The following FRMD4A variants were observed in gnomAD, a reference collection of about 807,000 sequenced individuals.
FRMD4A encodes the protein FERM domain-containing protein 4A.
Under a neutral mutation model 129.1 loss-of-function variants are expected in FRMD4A, and 29 were observed. The ratio of observed to expected loss-of-function variants is 0.22; its 90% CI spans 0.17 to 0.31. The LOEUF (loss-of-function observed/expected upper bound fraction) is 0.31, where lower values mean the gene tolerates loss of function less well. Among genes scored for constraint, FRMD4A ranks in the 10% least tolerant of loss-of-function variants. FRMD4A has a pLI of 1.00. For synonymous variants in FRMD4A, 634 were observed against 571.6 expected, an observed-to-expected ratio of 1.11 and a Z score of -1.56; for missense variants, 1,272 against 1,375.8, an observed-to-expected ratio of 0.92 and a Z score of 1.19.
rs1194691766 is a variant in FRMD4A at position 14,119,341 on chromosome 10, G to A, written c.45+210717C>T. Among the ~76,000 whole-genome samples, 4 of 152,170 alleles carry A rather than the reference G, an allele frequency of 2.6e-5. No individual in the cohort carries two copies. In the East Asian group the frequency reaches 5.8e-4, roughly 22 times the overall value. ...CCTTAAAACTACACCTGCAGTAACA[G>A]AACCTGTTACCAGCAGGAGACGGAA... On this transcript the variant is annotated intron_variant, in intron 2 of 24. Transcript: ENST00000357447.
At chr10:14,325,881 C>A (rs1289053120) in intron 2 of FRMD4A, among the ~76,000 whole-genome samples, 1 of 152,166 alleles carries the variant, frequency 6.6e-6, no homozygotes. Flanking sequence ...GACAAGGGAG[C>A]TGGTCTATTC....
intron 15 of FRMD4A, among the ~76,000 whole-genome samples, chr10:13,690,468 A>G (rs1347038463): frequency 6.6e-6 from 1 of 152,206 alleles, no homozygotes; most frequent in Non-Finnish European, 1.5e-5. Flanking sequence ...TTGTTCCCTG[A>G]TGGAATGTTT....
At chr10:14,218,630 G>A (rs554172311) in intron 2 of FRMD4A, among the ~76,000 whole-genome samples, 3 of 152,234 alleles carry the variant, frequency 2.0e-5, no homozygotes, top group Admixed American at 1.3e-4. Flanking sequence ...CAGGTGCGGG[G>A]ATTGCCTGAG....
chr10:13,921,559 G>C (rs2488564), intron 2 of FRMD4A, among the ~76,000 whole-genome samples: 139,321 of 152,252 alleles, frequency 0.92, 63,836 homozygotes, highest in South Asian at 0.94. Flanking sequence ...CCATGTCTGG[G>C]CTGGTGCCTC....
intron 2 of FRMD4A, among the ~76,000 whole-genome samples, chr10:14,316,179 A>T (rs999557065): frequency 6.6e-6 from 1 of 152,330 alleles, no homozygotes; most frequent in Middle Eastern, 3.4e-3. Flanking sequence ...TGAGGATCCC[A>T]GGTGTTGTGG....
rs2093636151 is a variant in FRMD4A at position 13,821,991 on chromosome 10, A to G, written c.112-11083T>C. Among the ~76,000 whole-genome samples, 1 of 152,190 alleles carries G rather than the reference A, an allele frequency of 6.6e-6. No homozygotes were observed. The highest frequency in any genetic ancestry group is 2.4e-5 in the African/African-American group (1 of 41,446). On this transcript the variant is annotated intron_variant, in intron 3 of 24. Transcript: ENST00000357447. This position sits in a 1 kb window ranked among gnomAD's most constrained non-coding sequence, Gnocchi z 4.3. ...TCTCGAAGATCCGAAGCAGGAAGGAAAGAAACAAAGTACATCAAGGAAAGG... is the reference window on the plus strand; with the variant it reads ...TCTCGAAGATCCGAAGCAGGAAGGAGAGAAACAAAGTACATCAAGGAAAGG...
rs551809135 is a variant in FRMD4A at position 13,832,211 on chromosome 10, C to T, written c.112-21303G>A. On this transcript the variant is annotated intron_variant, in intron 3 of 24. Transcript: ENST00000357447. ...CTGCCTGCTTTCGGCTGCTCCCTCTCGGCCACTCTTCCAAGCTGCATCCCA... is the reference window on the plus strand; with the variant it reads ...CTGCCTGCTTTCGGCTGCTCCCTCTTGGCCACTCTTCCAAGCTGCATCCCA... Among the ~76,000 whole-genome samples, 55 of 152,158 alleles carry T rather than the reference C, an allele frequency of 3.6e-4. 3 individuals carry two copies. The highest frequency in any genetic ancestry group is 2.1e-3 in the Admixed American group (32 of 15,284).
rs181955831 is a variant in FRMD4A at position 14,237,425 on chromosome 10, G to A, written c.45+92633C>T. On this transcript the variant is annotated intron_variant, in intron 2 of 24. Transcript: ENST00000357447. ...AGCTCACTGTAACCTCTGCCTCCCA[G>A]GTTCAAGTGATTCTCCTGCCTCAGT... Among the ~76,000 whole-genome samples, 9 of 152,202 alleles carry A rather than the reference G, an allele frequency of 5.9e-5. No homozygotes were observed. The East Asian group carries it at 1.7e-3, about 29-fold the overall frequency.
intron 2 of FRMD4A, among the ~76,000 whole-genome samples, chr10:14,290,177 G>T (rs1329834707): frequency 6.6e-6 from 1 of 152,030 alleles, no homozygotes; most frequent in Non-Finnish European, 1.5e-5. Flanking sequence ...TAAATTTATT[G>T]CAATCCCTAT....
chr10:14,247,913 G>A (rs531053026), intron 2 of FRMD4A, among the ~76,000 whole-genome samples: 10 of 144,214 alleles, frequency 6.9e-5, no homozygotes, highest in Admixed American at 2.7e-4. Context: ...CAGCATTTTC[G>A]TAAGTTAAAA....
chr10:13,882,511 T>G (rs2131128345), intron 2 of FRMD4A, among the ~76,000 whole-genome samples: 1 of 152,320 alleles, frequency 6.6e-6, no homozygotes, highest in South Asian at 2.1e-4. Flanking sequence ...TTGTAAGCTC[T>G]GGAATCCTAC....
At chr10:13,722,415 T>A (rs1191204874) in intron 12 of FRMD4A, among the ~76,000 whole-genome samples, 1 of 151,506 alleles carries the variant, frequency 6.6e-6, no homozygotes, top group Non-Finnish European at 1.5e-5. Flanking sequence ...AAAAAAATTT[T>A]TTTTTTTTTT....
At chr10:14,161,147 G>T (rs929452517) in intron 2 of FRMD4A, among the ~76,000 whole-genome samples, 3 of 152,132 alleles carry the variant, frequency 2.0e-5, no homozygotes, top group Non-Finnish European at 2.9e-5. Context: ...GCAGAGACAG[G>T]GTTTCACTGT....
chr10:13,942,682 C>T (rs1463347124), intron 2 of FRMD4A, among the ~76,000 whole-genome samples: 1 of 152,106 alleles, frequency 6.6e-6, no homozygotes, highest in Non-Finnish European at 1.5e-5. Flanking sequence ...CACCTGTAAT[C>T]CCAGCACTTT....
chr10:13,929,802 A>G (rs1660923829), intron 2 of FRMD4A, among the ~76,000 whole-genome samples: 1 of 152,144 alleles, frequency 6.6e-6, no homozygotes, highest in Non-Finnish European at 1.5e-5. Flanking sequence ...GTGAGTTTGA[A>G]TCTTAGCTGT....
intron 2 of FRMD4A, among the ~76,000 whole-genome samples, chr10:14,095,534 C>T (rs954921017): frequency 2.0e-5 from 3 of 152,168 alleles, no homozygotes; most frequent in African/African-American, 4.8e-5. Context: ...AGCACCTCGC[C>T]GGGATACTGC....
At chr10:14,185,468 A>T (rs187852406) in intron 2 of FRMD4A, among the ~76,000 whole-genome samples, 1 of 152,242 alleles carries the variant, frequency 6.6e-6, no homozygotes, top group Non-Finnish European at 1.5e-5. Flanking sequence ...TAGTACAAAA[A>T]ACATTACAAC....
chr10:14,302,345 C>T (rs187814732), intron 2 of FRMD4A, among the ~76,000 whole-genome samples: 2 of 152,302 alleles, frequency 1.3e-5, no homozygotes, highest in African/African-American at 4.8e-5. Context: ...AACAGATACA[C>T]AGTAAAACAT....
At chr10:14,219,047 A>T (rs544736239) in intron 2 of FRMD4A, among the ~76,000 whole-genome samples, 1 of 148,290 alleles carries the variant, frequency 6.7e-6, no homozygotes, top group Non-Finnish European at 1.5e-5. Context: ...GGATAAGAGG[A>T]GGGGCTAGGA....
Sources: gnomAD v4.1 joint callset for allele counts (sites outside exome capture counted in the v4.1 genomes callset) on GRCh38, gnomAD v4.1.1 for gene constraint, Gnocchi (gnomAD v3.1) non-coding constraint, MANE v1.5 for transcripts, NCBI Gene and HGNC (gene_info 2026-07-23, HGNC 2026-07-21) for gene names.